The following BRD1 variants were observed in gnomAD, a reference collection of about 807,000 sequenced individuals.
The protein encoded by BRD1 is bromodomain-containing protein 1.
A neutral mutation model predicts 107.7 loss-of-function variants in BRD1; 24 were observed. That is an observed-to-expected ratio of 0.22 (90% confidence interval 0.16 to 0.31). The LOEUF (loss-of-function observed/expected upper bound fraction) is 0.31, where lower values mean the gene tolerates loss of function less well. BRD1 is among the 10% of genes least tolerant of loss of function. BRD1 has a pLI of 1.00. For synonymous variants in BRD1, 744 were observed against 686.1 expected, an observed-to-expected ratio of 1.08 and a Z score of -1.32; for missense variants, 1,279 against 1,638.6, an observed-to-expected ratio of 0.78 and a Z score of 3.79.
chr22:49,822,596 G>C (rs909612344), intron 2 of BRD1, among the ~76,000 whole-genome samples: 5 of 151,988 alleles, frequency 3.3e-5, no homozygotes, highest in Non-Finnish European at 5.9e-5. Flanking sequence ...TGCAGTCCCA[G>C]CTACTCAGGA....
chr22:49,805,295 TG>T, intron 2 of BRD1, among the ~76,000 whole-genome samples: 2 of 152,110 alleles, frequency 1.3e-5, no homozygotes, highest in East Asian at 3.9e-4. Context: ...GGCTCAAGCG[TG>T]GAGCCTGCAG....
intron 8 of BRD1, among the ~76,000 whole-genome samples, chr22:49,786,285 C>A (rs889893451): frequency 6.6e-6 from 1 of 152,254 alleles, no homozygotes; most frequent in African/African-American, 2.4e-5. Flanking sequence ...TCCAGAAGCG[C>A]AGCCAGTACC....
Position 49,827,759 on chromosome 22 carries a change from G to GGCGGGCGCGGGC in BRD1, c.-289_-278dup, listed in dbSNP as rs1302225101. Among the ~76,000 whole-genome samples the GGCGGGCGCGGGC allele has an allele frequency of 1.1e-4, 16 of 143,282 alleles. No individual in the cohort carries two copies. The highest frequency in any genetic ancestry group is 2.3e-4 in the Non-Finnish European group (15 of 65,020). The allele number at this position is 143,282 out of a possible 152,430, so 94.0% of individuals were successfully genotyped here. ...GAGGCCCGGCTCGGGGGGCCCGGCC[G>GGCGGGCGCGGGC]GCGGGCGCGGGCGCGGGCGCGGGAG... On this transcript the variant is annotated 5_prime_UTR_variant, in exon 1 of 13. Coordinates refer to ENST00000404760, the MANE Select transcript of BRD1 (RefSeq NM_001304808.3).
chr22:49,825,861 T>G (rs2060141802), intron 1 of BRD1: 1 of 152,262 alleles, frequency 6.6e-6, no homozygotes, highest in Admixed American at 6.5e-5. Context: ...TCTTTCTCTG[T>G]ATCAGACAGA....
chr22:49,778,300 T>TAAAAAGAAAAAAA, intron 8 of BRD1, among the ~76,000 whole-genome samples: 1 of 152,190 alleles, frequency 6.6e-6, no homozygotes, highest in Admixed American at 6.5e-5. Context: ...AATCAGGTTT[T>TAAAAAGAAAAAAA]AAAAAGAAAA....
Position 49,822,025 on chromosome 22 carries a change from G to A in BRD1, c.1367+926C>T, listed in dbSNP as rs970916209. The stretch of plus-strand genomic sequence containing the variant: ...CCACAGCAGTGGATGTCCCGATGCC[G>A]GCAGTCACTGGGAAGCCCAGGCCAG... On this transcript the variant is annotated intron_variant, in intron 2 of 12. Coordinates refer to ENST00000404760, the MANE Select transcript of BRD1 (RefSeq NM_001304808.3). Among the ~76,000 whole-genome samples the A allele has an allele frequency of 3.9e-5, 6 of 152,270 alleles. No individual in the cohort carries two copies. The South Asian group carries it at 6.2e-4, about 16-fold the overall frequency.
chr22:49,777,041 G>C lies in BRD1; in HGVS notation c.3114C>G (p.Ile1038Met). The C allele has an allele frequency of 6.2e-7, 1 of 1,613,136 alleles. No individual in the cohort carries two copies. The highest frequency in any genetic ancestry group is 1.1e-5 in the South Asian group (1 of 91,088). Residue 1038 changes from isoleucine to methionine, a missense_variant, in exon 10 of 13, where the codon ATC (isoleucine) becomes ATG (methionine). By Grantham distance (10) the Ile-to-Met change is conservative. Transcript: ENST00000404760. ...ENGNYAKAAR[I>M]AAEVGQSSMW... Reference sequence around the variant, plus strand: ...CAGGTCCGGGCGACTCACCGGCTGCGATCCTGGCCGCCTTGGCGTAGTTCC... The same window carrying C: ...CAGGTCCGGGCGACTCACCGGCTGCCATCCTGGCCGCCTTGGCGTAGTTCC...
Position 49,824,864 on chromosome 22 carries a change from C to T in BRD1, c.-14-533G>A, listed in dbSNP as rs1269587946. The T allele has an allele frequency of 1.5e-5, 15 of 987,234 alleles. No individual in the cohort carries two copies. Among genetic ancestry groups the T allele is most frequent in the Non-Finnish European group, 1.8e-5 (15 of 824,546 alleles). The allele number at this position is 987,234 out of a possible 1,614,324, so 61.2% of individuals were successfully genotyped here. ...TCCCAGGAGAGCACTCCCATGAGCC[C>T]AGAGTCACCACAGTCCTTGCAGCAT... On this transcript the variant is annotated intron_variant, in intron 1 of 12. Transcript: ENST00000404760. This position sits in a 1 kb window ranked among gnomAD's most constrained non-coding sequence, Gnocchi z 5.9.
chr22:49,775,866 CA>C (rs2059083707), intron 11 of BRD1, 121 bp from the exon 12 acceptor site: 39 of 1,285,228 alleles, frequency 3.0e-5, no homozygotes, highest in South Asian at 2.0e-4. Flanking sequence ...AGACCACCCC[CA>C]CGCCCCCCTC....
intron 12 of BRD1, 121 bp from the exon 13 acceptor site, chr22:49,774,537 C>CA: frequency 1.8e-6 from 2 of 1,126,038 alleles, no homozygotes; most frequent in Non-Finnish European, 2.5e-6. Flanking sequence ...TCAGCACCAC[C>CA]AAGACAGCTG....
chr22:49,808,991 C>A (rs1350638747), intron 2 of BRD1, among the ~76,000 whole-genome samples: 2 of 151,882 alleles, frequency 1.3e-5, no homozygotes, highest in Non-Finnish European at 2.9e-5. Context: ...TGATGGCACA[C>A]GCCCGTAATC....
intron 8 of BRD1, among the ~76,000 whole-genome samples, chr22:49,784,073 C>G (rs952457826): frequency 5.3e-5 from 8 of 152,162 alleles, no homozygotes; most frequent in Admixed American, 3.3e-4. Context: ...AAGACACCCC[C>G]GCGCTCTCAC....
chr22:49,787,132 G>T (rs1333776020), intron 8 of BRD1, among the ~76,000 whole-genome samples: 1 of 152,034 alleles, frequency 6.6e-6, no homozygotes, highest in Admixed American at 6.5e-5. Context: ...AAGGACCATC[G>T]ACCCCTGGCC....
chr22:49,822,162 A>G (rs900912842), intron 2 of BRD1, among the ~76,000 whole-genome samples: 5 of 152,236 alleles, frequency 3.3e-5, no homozygotes, highest in African/African-American at 9.6e-5. Context: ...ATGGTGGCTC[A>G]CGCCTATAGT....
rs576989791 is a variant in BRD1 at position 49,779,269 on chromosome 22, G to A, written c.2858-1456C>T. Among the ~76,000 whole-genome samples the A allele has an allele frequency of 7.2e-5, 11 of 152,234 alleles. No homozygotes were observed. The South Asian group carries it at 2.1e-3, about 29-fold the overall frequency. ...TTTCCACCCGCTTCGTACGCTTCCC[G>A]TCTGTTCTCAATGAGCACGACCGAC... On this transcript the variant is annotated intron_variant, in intron 8 of 12. Coordinates refer to ENST00000404760, the MANE Select transcript of BRD1 (RefSeq NM_001304808.3).
intron 8 of BRD1, among the ~76,000 whole-genome samples, chr22:49,780,154 G>A (rs1569086530): frequency 2.0e-5 from 3 of 152,154 alleles, no homozygotes; most frequent in African/African-American, 7.2e-5. Flanking sequence ...GCCCTAGCAC[G>A]AGATCACCCG....
chr22:49,777,837 T>C (rs1262187122), intron 8 of BRD1, 24 bp from the exon 9 acceptor site: 1 of 1,582,126 alleles, frequency 6.3e-7, no homozygotes, highest in Non-Finnish European at 8.6e-7. Context: ...GGGCAGGCCC[T>C]GAGCTCAGCA....
At chr22:49,775,050 G>A (rs1051441864) in intron 12 of BRD1, among the ~76,000 whole-genome samples, 11 of 152,234 alleles carry the variant, frequency 7.2e-5, no homozygotes, top group Non-Finnish European at 1.3e-4. Context: ...TGCTGCCAGC[G>A]TGTCCTGCAC....
intron 2 of BRD1, among the ~76,000 whole-genome samples, chr22:49,810,875 T>A (rs1011961262): frequency 6.6e-6 from 1 of 152,178 alleles, no homozygotes; most frequent in Non-Finnish European, 1.5e-5. Flanking sequence ...CATTACCACA[T>A]GACCCAGCAA....
Sources: allele counts gnomAD v4.1 joint callset (sites outside exome capture counted in the v4.1 genomes callset), GRCh38; gene constraint gnomAD v4.1.1; non-coding constraint Gnocchi (gnomAD v3.1); transcripts MANE v1.5; gene names NCBI Gene and HGNC (gene_info 2026-07-23, HGNC 2026-07-21).